The following GALNT2 variants were observed in gnomAD, a reference collection of about 807,000 sequenced individuals.
The protein encoded by GALNT2 is polypeptide N-acetylgalactosaminyltransferase 2, also known as UDP-GalNAc:polypeptide N-acetylgalactosaminyltransferase 2.
GALNT2 carries 31 observed loss-of-function variants against 81.4 expected under a neutral mutation model. The observed-to-expected ratio is 0.38, with a 90% confidence interval of 0.29 to 0.51. GALNT2 has a LOEUF of 0.51. Among genes scored for constraint, GALNT2 ranks in the 20% least tolerant of loss-of-function variants. The pLI, the probability that GALNT2 is intolerant of heterozygous loss-of-function variation, is 0.87. For synonymous variants in GALNT2, 303 were observed against 287.4 expected, an observed-to-expected ratio of 1.05 and a Z score of -0.55; for missense variants, 629 against 765.7, an observed-to-expected ratio of 0.82 and a Z score of 2.11.
At chr1:230,083,854 A>G (rs576871427) in intron 1 of GALNT2, among the ~76,000 whole-genome samples, 2 of 152,198 alleles carry the variant, frequency 1.3e-5, no homozygotes, top group East Asian at 3.9e-4. Flanking sequence ...AGCCCTTCCA[A>G]TAGAAGGGGG....
chr1:230,067,418 GC>G lies in GALNT2; in HGVS notation c.126+15del. The G allele has an allele frequency of 2.6e-6, 3 of 1,136,606 alleles. No individual in the cohort carries two copies. Among genetic ancestry groups the G allele is most frequent in the Non-Finnish European group, 2.2e-6 (2 of 903,204 alleles). The allele number at this position is 1,136,606 out of a possible 1,614,324, so 70.4% of individuals were successfully genotyped here. Reference sequence around the variant, plus strand: ...GCGCCGGCAGGAAGGTGAGTGGAGCGCCCTGCCGCGGCCGGGCCCCTGCGCC... The same window carrying G: ...GCGCCGGCAGGAAGGTGAGTGGAGCGCCTGCCGCGGCCGGGCCCCTGCGCC... On this transcript the variant is annotated intron_variant, in intron 1 of 15. Coordinates refer to ENST00000366672, the MANE Select transcript of GALNT2 (RefSeq NM_004481.5).
chr1:230,083,887 G>GTCCT (rs1253158918), intron 1 of GALNT2, among the ~76,000 whole-genome samples: 1 of 152,148 alleles, frequency 6.6e-6, no homozygotes, highest in Non-Finnish European at 1.5e-5. Flanking sequence ...CACTGTCTGT[G>GTCCT]TCCTTGGACC....
intron 1 of GALNT2, among the ~76,000 whole-genome samples, chr1:230,164,755 C>A (rs1232981961): frequency 1.3e-5 from 2 of 152,128 alleles, no homozygotes; most frequent in East Asian, 3.9e-4. Flanking sequence ...TGGTCTCGAT[C>A]TCCTGACCTT....
chr1:230,109,945 G>A (rs578080588), intron 1 of GALNT2, among the ~76,000 whole-genome samples: 10 of 152,172 alleles, frequency 6.6e-5, no homozygotes, highest in African/African-American at 2.2e-4. Flanking sequence ...TCTGGGACGC[G>A]TAGGTCTCTC....
At chr1:230,090,731 T>A (rs983901400) in intron 1 of GALNT2, among the ~76,000 whole-genome samples, 6 of 152,244 alleles carry the variant, frequency 3.9e-5, no homozygotes, top group African/African-American at 1.4e-4. Context: ...TAGTTGAAGC[T>A]TATTATTTTC....
chr1:230,128,113 C>T (rs1000286412), intron 1 of GALNT2, among the ~76,000 whole-genome samples: 8 of 152,176 alleles, frequency 5.3e-5, no homozygotes, highest in African/African-American at 1.9e-4. Flanking sequence ...CTTACCAATA[C>T]CCATGAGGCC....
Position 230,243,510 on chromosome 1 carries a change from G to A in GALNT2, c.729+83G>A, listed in dbSNP as rs982410094. On this transcript the variant is annotated intron_variant, in intron 7 of 15. Transcript: ENST00000366672. This position sits in a 1 kb window ranked among gnomAD's most constrained non-coding sequence, Gnocchi z 4.2. ...GAAGGGAGCATGGTCCAGGGGAGGT[G>A]TAACGCAGGGAGTAGGGCGTCAGGG... 4 of 1,528,772 alleles carry A rather than the reference G, an allele frequency of 2.6e-6. No individual in the cohort carries two copies. The highest frequency in any genetic ancestry group is 2.8e-5 in the African/African-American group (2 of 72,100). The allele number at this position is 1,528,772 out of a possible 1,614,324, so 94.7% of individuals were successfully genotyped here. A position where few individuals can be genotyped will look rare whatever the true frequency, so the allele number is the denominator to read the frequency against.
intron 1 of GALNT2, among the ~76,000 whole-genome samples, chr1:230,152,751 C>T (rs1264885091): frequency 1.3e-5 from 2 of 152,220 alleles, no homozygotes; most frequent in African/African-American, 2.4e-5. Context: ...CCTCAGCCTG[C>T]GTCCACTCTC....
intron 2 of GALNT2, among the ~76,000 whole-genome samples, chr1:230,185,870 C>T (rs1347436046): frequency 6.6e-6 from 1 of 152,150 alleles, no homozygotes; most frequent in Non-Finnish European, 1.5e-5. Context: ...AGTGAGCCTC[C>T]AGGAATTTTC....
intron 1 of GALNT2, among the ~76,000 whole-genome samples, chr1:230,102,739 ACT>A (rs1246037379): frequency 5.3e-5 from 8 of 152,050 alleles, no homozygotes; most frequent in African/African-American, 1.9e-4. Context: ...AGATTAAATC[ACT>A]CTCTGTTTTT....
chr1:230,212,841 T>C (rs1378462938), intron 3 of GALNT2, among the ~76,000 whole-genome samples: 1 of 152,210 alleles, frequency 6.6e-6, no homozygotes, highest in Non-Finnish European at 1.5e-5. Flanking sequence ...CCTTGATATG[T>C]TTCCTCTTTT....
rs149304996 is a variant in GALNT2, at chr1:230,172,604, A to G, written c.127-5614A>G. On this transcript the variant is annotated intron_variant, in intron 1 of 15. Coordinates refer to ENST00000366672, the MANE Select transcript of GALNT2 (RefSeq NM_004481.5). ...CCCTGCACGCATAGATTCGATCAAT[A>G]GTGCCTAAGGGGCTTGCTCATCTTC... is the stretch of plus-strand genomic sequence containing the variant. 6.6e-4 allele frequency among the ~76,000 whole-genome samples: 100 copies of G among 152,334 alleles called. 1 individual carries two copies. The highest frequency in any genetic ancestry group is 2.2e-3 in the African/African-American group (93 of 41,580).
chr1:230,095,595 G>A (rs1261779071), intron 1 of GALNT2, among the ~76,000 whole-genome samples: 1 of 152,194 alleles, frequency 6.6e-6, no homozygotes. Flanking sequence ...GGCTGTAGAG[G>A]GGTTGGTGAC....
intron 1 of GALNT2, among the ~76,000 whole-genome samples, chr1:230,120,746 C>T (rs542439198): frequency 9.2e-5 from 14 of 152,272 alleles, no homozygotes; most frequent in African/African-American, 2.4e-4. Context: ...CATCCTCCTC[C>T]GCACACACTA....
At chr1:230,128,787 A>C (rs1393688334) in intron 1 of GALNT2, among the ~76,000 whole-genome samples, 1 of 152,108 alleles carries the variant, frequency 6.6e-6, no homozygotes, top group East Asian at 1.9e-4. Context: ...CCAGAGCATC[A>C]GCTCAGGACA....
chr1:230,075,207 C>A (rs1423797204), intron 1 of GALNT2, among the ~76,000 whole-genome samples: 1 of 142,466 alleles, frequency 7.0e-6, no homozygotes, highest in African/African-American at 2.6e-5. Context: ...CTCACTGCAA[C>A]CTCCGCCTCC....
At chr1:230,172,598 A>G (rs946803419) in intron 1 of GALNT2, among the ~76,000 whole-genome samples, 1 of 152,206 alleles carries the variant, frequency 6.6e-6, no homozygotes, top group Admixed American at 6.5e-5. Flanking sequence ...CATAGATTCG[A>G]TCAATAGTGC....
At position 230,279,407 on chromosome 1, in the gene GALNT2, T is replaced by C. The variant is rs138294898; in HGVS notation, c.1665T>C (p.Cys555=). Residue 555 remains cysteine (C), a synonymous_variant, in exon 16 of 16, where the codon TGT becomes TGC. Transcript: ENST00000366672. The surrounding 1 kb of genome is among the most constrained non-coding windows in gnomAD (Gnocchi z 4.6). ...AKSGGLSVEV[C]GPALSQQWKF... The stretch of plus-strand genomic sequence containing the variant: ...GCGGGGGCCTAAGCGTGGAGGTGTG[T>C]GGCCCGGCCCTTTCGCAGCAGTGGA... 6.8e-5 allele frequency: 109 copies of C among 1,614,122 alleles called. No homozygotes were observed. The East Asian group carries it at 1.6e-3, about 24-fold the overall frequency.
intron 1 of GALNT2, among the ~76,000 whole-genome samples, chr1:230,163,050 G>C (rs1041232860): frequency 6.6e-6 from 1 of 152,142 alleles, no homozygotes; most frequent in African/African-American, 2.4e-5. Flanking sequence ...ACCTTCAGAG[G>C]GTGATGGGGA....
Sources: gnomAD v4.1 joint callset for allele counts (sites outside exome capture counted in the v4.1 genomes callset) on GRCh38, gnomAD v4.1.1 for gene constraint, Gnocchi (gnomAD v3.1) non-coding constraint, MANE v1.5 for transcripts, NCBI Gene and HGNC (gene_info 2026-07-23, HGNC 2026-07-21) for gene names.